Variants in PTPRO observed in about 807,000 individuals in gnomAD.
PTPRO encodes protein tyrosine phosphatase receptor type O.
PTPRO carries 62 observed loss-of-function variants against 145.2 expected under a neutral mutation model. The observed-to-expected ratio is 0.43, with a 90% confidence interval of 0.35 to 0.53. The LOEUF is 0.53. Ranked by LOEUF, PTPRO falls within the 20% of genes least tolerant of loss-of-function variation. The pLI is 0.01. For synonymous variants in PTPRO, 565 were observed against 514.7 expected, an observed-to-expected ratio of 1.10 and a Z score of -1.32; for missense variants, 1,345 against 1,482.7, an observed-to-expected ratio of 0.91 and a Z score of 1.53.
At chr12:15,486,227 G>T (rs1941882614) in intron 2 of PTPRO, among the ~76,000 whole-genome samples, 1 of 152,048 alleles carries the variant, frequency 6.6e-6, no homozygotes, top group Non-Finnish European at 1.5e-5. Context: ...GTTGTTATTA[G>T]GTGCAAAAGC....
chr12:15,365,412 T>TTATATA (rs141677187), intron 1 of PTPRO, among the ~76,000 whole-genome samples: 8 of 151,154 alleles, frequency 5.3e-5, no homozygotes, highest in African/African-American at 1.9e-4. Flanking sequence ...CTATATATGT[T>TTATATA]TATATATATA....
At chr12:15,374,195 G>A (rs1195244766) in intron 1 of PTPRO, among the ~76,000 whole-genome samples, 4 of 152,024 alleles carry the variant, frequency 2.6e-5, no homozygotes, top group South Asian at 2.1e-4. Context: ...TCTCTAAAAC[G>A]GAAACTGGGT....
chr12:15,385,811 CAAAAAAA>C (rs761750012), intron 1 of PTPRO, among the ~76,000 whole-genome samples: 3 of 37,102 alleles, frequency 8.1e-5, no homozygotes, highest in East Asian at 7.0e-4. Context: ...GACTCCATCT[CAAAAAAA>C]AAAAAAAAAA....
rs566503008 is a variant in PTPRO, at chr12:15,358,860, G to A, written c.75+36059G>A. On this transcript the variant is annotated intron_variant, in intron 1 of 26. Coordinates refer to ENST00000281171, the MANE Select transcript of PTPRO (RefSeq NM_030667.3). The stretch of plus-strand genomic sequence containing the variant: ...CTGTCAGAACTTCTGTTCAGTTTTA[G>A]TTACATCTGCTAAGGATTCTAAGCA... Among the ~76,000 whole-genome samples the A allele has an allele frequency of 5.3e-5, 8 of 152,324 alleles. No individual in the cohort carries two copies. The South Asian group carries it at 1.7e-3, about 32-fold the overall frequency.
chr12:15,445,427 C>T (rs1008090142), intron 1 of PTPRO, among the ~76,000 whole-genome samples: 10 of 152,036 alleles, frequency 6.6e-5, no homozygotes, highest in Non-Finnish European at 7.4e-5. Flanking sequence ...AAATAAAGTA[C>T]GTAGCCTTAG....
chr12:15,570,296 A>G (rs183210784), intron 19 of PTPRO, among the ~76,000 whole-genome samples: 2 of 152,060 alleles, frequency 1.3e-5, no homozygotes, highest in African/African-American at 2.4e-5. Context: ...AAAGGGGAAG[A>G]TAAAGTGATT....
At chr12:15,585,406 T>C (rs1355953698) in intron 23 of PTPRO, among the ~76,000 whole-genome samples, 1 of 152,202 alleles carries the variant, frequency 6.6e-6, no homozygotes, top group Non-Finnish European at 1.5e-5. Flanking sequence ...GTAGACTTCA[T>C]GTTCTGTGTG....
intron 1 of PTPRO, among the ~76,000 whole-genome samples, chr12:15,430,280 G>T (rs10846174): frequency 0.18 from 27,609 of 151,738 alleles, 3,108 homozygotes; most frequent in African/African-American, 0.32. Flanking sequence ...CAGAAGAAGG[G>T]TGGCAGAAGG....
At chr12:15,508,472 T>C in intron 6 of PTPRO, 99 bp from the exon 7 acceptor site, 3 of 1,283,574 alleles carry the variant, frequency 2.3e-6, no homozygotes, top group South Asian at 1.3e-5. Flanking sequence ...TGAATCTCAT[T>C]GTAAGGGCAA....
At chr12:15,380,830 A>G (rs746771074) in intron 1 of PTPRO, among the ~76,000 whole-genome samples, 3 of 152,212 alleles carry the variant, frequency 2.0e-5, no homozygotes, top group Non-Finnish European at 2.9e-5. Flanking sequence ...AGACCAAAAT[A>G]TACTTTCATT....
intron 1 of PTPRO, among the ~76,000 whole-genome samples, chr12:15,353,414 G>GTT (rs561119834): frequency 4.6e-4 from 68 of 148,468 alleles, no homozygotes; most frequent in South Asian, 1.3e-3. Flanking sequence ...TGTTGATGCA[G>GTT]TTTTTTTTTT....
intron 1 of PTPRO, among the ~76,000 whole-genome samples, chr12:15,430,739 C>A (rs6488774): frequency 0.73 from 111,534 of 151,960 alleles, 41,032 homozygotes; most frequent in East Asian, 0.77. Flanking sequence ...ACCACACACA[C>A]AAAAAGTGTG....
rs192463680 is a variant in PTPRO at position 15,586,958 on chromosome 12, C to T, written c.3317C>T (p.Pro1106Leu). 1 of 1,614,010 alleles carries T rather than the reference C, an allele frequency of 6.2e-7. No individual in the cohort carries two copies. ...NYTAWPDHGV[P>L]TANAAESILQ... ...ACTGCATGGCCTGATCATGGTGTGCCCACAGCAAATGCTGCAGAAAGTATC... is the reference window on the plus strand; with the variant it reads ...ACTGCATGGCCTGATCATGGTGTGCTCACAGCAAATGCTGCAGAAAGTATC... The change falls in exon 24 of 27, where the codon CCC becomes CTC. Residue 1106 changes from proline to leucine, a missense_variant. Physicochemically the swap from Pro to Leu is moderately conservative, Grantham distance 98. Coordinates refer to ENST00000281171, the MANE Select transcript of PTPRO (RefSeq NM_030667.3).
At chr12:15,419,305 A>T (rs909019579) in intron 1 of PTPRO, among the ~76,000 whole-genome samples, 5 of 151,180 alleles carry the variant, frequency 3.3e-5, no homozygotes, top group Non-Finnish European at 7.4e-5. Context: ...AATTTTTCAG[A>T]CTCAGGAGTT....
intron 1 of PTPRO, among the ~76,000 whole-genome samples, chr12:15,326,885 C>T (rs1016906861): frequency 1.1e-4 from 17 of 152,084 alleles, no homozygotes; most frequent in Admixed American, 9.2e-4. Context: ...CTGTAAAGCA[C>T]TTAATGTTTT....
chr12:15,391,583 G>T (rs935538517), intron 1 of PTPRO, among the ~76,000 whole-genome samples: 6 of 152,102 alleles, frequency 3.9e-5, no homozygotes, highest in Non-Finnish European at 8.8e-5. Flanking sequence ...TGTCCCCATT[G>T]CATCTCACCA....
In PTPRO at chr12:15,586,877, T is replaced by G. The variant is rs1372883782; in HGVS notation, c.3256-20T>G. Reference sequence around the variant, plus strand: ...GTGAACTGAAAAATTAATGCTTGTTTTTGGCTTTTTTCTCTAAAGGCTGAC... The same window carrying G: ...GTGAACTGAAAAATTAATGCTTGTTGTTGGCTTTTTTCTCTAAAGGCTGAC... On this transcript the variant is annotated intron_variant, in intron 23 of 26. Transcript: ENST00000281171. 1 of 1,613,998 alleles carries G rather than the reference T, an allele frequency of 6.2e-7. No individual in the cohort carries two copies. Among genetic ancestry groups the G allele is most frequent in the Admixed American group, 1.7e-5 (1 of 60,010 alleles).
chr12:15,527,829 A>C (rs900448319), intron 12 of PTPRO, among the ~76,000 whole-genome samples: 19 of 152,276 alleles, frequency 1.2e-4, no homozygotes, highest in Admixed American at 3.3e-4. Context: ...TAATGCAAAG[A>C]CATAGTTCTA....
intron 14 of PTPRO, among the ~76,000 whole-genome samples, chr12:15,549,865 T>C (rs1476094206): frequency 6.6e-6 from 1 of 152,242 alleles, no homozygotes; most frequent in East Asian, 1.9e-4. Context: ...ATATTAGTCA[T>C]ATATTTAGCT....
Sources: allele counts gnomAD v4.1 joint callset (sites outside exome capture counted in the v4.1 genomes callset), GRCh38; gene constraint gnomAD v4.1.1; transcripts MANE v1.5; gene names NCBI Gene and HGNC (gene_info 2026-07-23, HGNC 2026-07-21).